The following OCA2 variants were observed in gnomAD, a reference collection of about 807,000 sequenced individuals.
OCA2 encodes OCA2 melanosomal transmembrane protein.
OCA2 carries 77 observed loss-of-function variants against 100.2 expected under a neutral mutation model. The observed-to-expected ratio is 0.77, with a 90% CI of 0.64 to 0.93. The LOEUF is 0.93. Ranked by LOEUF, OCA2 falls within the 40% of genes least tolerant of loss-of-function variation. The probability of loss-of-function intolerance (pLI) is 0.00; values close to 1 mark genes in which losing one functional copy is unlikely to be tolerated. For missense variants in OCA2, 1,062 were observed against 1,089.1 expected (o/e 0.98, Z 0.35); for synonymous variants, 432 against 439.2 (o/e 0.98, Z 0.21).
intron 19 of OCA2, among the ~76,000 whole-genome samples, chr15:27,897,084 G>A (rs926450185): frequency 2.0e-5 from 3 of 151,974 alleles, no homozygotes; most frequent in African/African-American, 7.3e-5. Flanking sequence ...TAGCTACTCG[G>A]GAGGCTGAGA....
At chr15:27,965,183 A>C (rs1184971793) in intron 15 of OCA2, among the ~76,000 whole-genome samples, 1 of 152,200 alleles carries the variant, frequency 6.6e-6, no homozygotes. Context: ...AGCTGTGCAC[A>C]CACAAGCTCC....
chr15:27,955,820 G>A (rs780741759), intron 16 of OCA2, among the ~76,000 whole-genome samples: 3 of 152,000 alleles, frequency 2.0e-5, no homozygotes, highest in Non-Finnish European at 4.4e-5. Context: ...GTCTCCTCCC[G>A]CCTGTTTCAG....
At chr15:27,927,784 CTTTTTT>C (rs34037519) in intron 18 of OCA2, among the ~76,000 whole-genome samples, 2 of 69,356 alleles carry the variant, frequency 2.9e-5, no homozygotes, top group African/African-American at 6.0e-5. Flanking sequence ...CTTTGAGCAT[CTTTTTT>C]TTTTTTTTTT....
chr15:27,782,527 A>AT (rs1359633326), intron 23 of OCA2, among the ~76,000 whole-genome samples: 1 of 152,178 alleles, frequency 6.6e-6, no homozygotes, highest in East Asian at 1.9e-4. Flanking sequence ...TTCTTTGAAC[A>AT]TTTTTTGCTT....
intron 19 of OCA2, among the ~76,000 whole-genome samples, chr15:27,895,305 G>T (rs147641900): frequency 0.013 from 2,015 of 152,258 alleles, 40 homozygotes; most frequent in African/African-American, 0.041. Context: ...GCAGAATGGG[G>T]CATTGCTGAA....
chr15:28,079,642 G>A (rs1024734875), intron 2 of OCA2, among the ~76,000 whole-genome samples: 6 of 152,212 alleles, frequency 3.9e-5, no homozygotes, highest in African/African-American at 1.4e-4. Flanking sequence ...CCTCCTGGGA[G>A]AAGCTCCGCA....
chr15:27,977,011 A>G (rs1315093432), intron 14 of OCA2, among the ~76,000 whole-genome samples: 1 of 152,026 alleles, frequency 6.6e-6, no homozygotes. Flanking sequence ...TTTCCAAAAA[A>G]TTGTTTATTT....
chr15:28,079,521 C>G (rs76244824), intron 2 of OCA2, among the ~76,000 whole-genome samples: 1,740 of 152,222 alleles, frequency 0.011, 36 homozygotes, highest in African/African-American at 0.04. Context: ...GACATTCACA[C>G]CAGTGAGCCC....
intron 2 of OCA2, among the ~76,000 whole-genome samples, chr15:28,033,745 T>C (rs2042973474): frequency 6.6e-6 from 1 of 152,110 alleles, no homozygotes; most frequent in Non-Finnish European, 1.5e-5. Flanking sequence ...GCCCAAGAGA[T>C]TTAATAATTA....
intron 7 of OCA2, 29 bp from the exon 8 acceptor site, chr15:28,016,215 G>A (rs750218905): frequency 6.3e-7 from 1 of 1,576,910 alleles, no homozygotes; most frequent in South Asian, 1.1e-5. Flanking sequence ...AAGTTATGGT[G>A]AGGCTTTTCA....
At chr15:27,971,711 C>T (rs1448488) in intron 14 of OCA2, among the ~76,000 whole-genome samples, 81,608 of 152,062 alleles carry the variant, frequency 0.54, 25,319 homozygotes, top group Non-Finnish European at 0.72. Flanking sequence ...CGTTTCTGCC[C>T]AATGCTCGGA....
At chr15:27,968,003 A>G (rs112887974) in intron 14 of OCA2, among the ~76,000 whole-genome samples, 6 of 151,616 alleles carry the variant, frequency 4.0e-5, no homozygotes, top group South Asian at 4.2e-4. Context: ...CTGTTCTTTC[A>G]CTGGCGTCCT....
intron 2 of OCA2, among the ~76,000 whole-genome samples, chr15:28,079,340 G>A (rs994237415): frequency 6.7e-6 from 1 of 149,870 alleles, no homozygotes; most frequent in Non-Finnish European, 1.5e-5. Context: ...CATGAAACAA[G>A]AAGGGCAAAA....
chr15:27,719,471 G>A, the OCA2 span, among the ~76,000 whole-genome samples: 1 of 152,062 alleles, frequency 6.6e-6, no homozygotes. Flanking sequence ...ACTTGCGGGG[G>A]GGACCACAAT....
chr15:27,850,847 C>T (rs962671274), intron 22 of OCA2, among the ~76,000 whole-genome samples: 1 of 152,178 alleles, frequency 6.6e-6, no homozygotes, highest in Non-Finnish European at 1.5e-5. Context: ...CTGTTCTCTC[C>T]ACAGCAACGG....
chr15:27,947,822 A>T, intron 18 of OCA2, among the ~76,000 whole-genome samples: 1 of 152,156 alleles, frequency 6.6e-6, no homozygotes, highest in Non-Finnish European at 1.5e-5. Flanking sequence ...ACGCTGGGGC[A>T]GTGGTGCCTG....
chr15:27,943,632 C>A (rs909983792), intron 18 of OCA2, among the ~76,000 whole-genome samples: 25 of 146,060 alleles, frequency 1.7e-4, no homozygotes, highest in Admixed American at 1.6e-3. Context: ...AACTAACCTG[C>A]ACAATGTGCA....
chr15:27,811,847 G>T (rs1232237221), intron 23 of OCA2, among the ~76,000 whole-genome samples: 1 of 152,090 alleles, frequency 6.6e-6, no homozygotes, highest in Non-Finnish European at 1.5e-5. Context: ...AGTGTCGGTG[G>T]AACTTCATAA....
intron 1 of OCA2, among the ~76,000 whole-genome samples, chr15:28,093,793 T>C (rs1039223588): frequency 6.6e-6 from 1 of 152,114 alleles, no homozygotes; most frequent in Non-Finnish European, 1.5e-5. Context: ...CACAGCAACG[T>C]AGAGGAATCC....
Sources: allele counts gnomAD v4.1 joint callset (sites outside exome capture counted in the v4.1 genomes callset), GRCh38; gene constraint gnomAD v4.1.1; transcripts MANE v1.5; gene names NCBI Gene and HGNC (gene_info 2026-07-23, HGNC 2026-07-21).